Variants in CSMD3 observed in about 807,000 individuals in gnomAD.
CSMD3 encodes CUB and sushi domain-containing protein 3.
Under a neutral mutation model 435.2 loss-of-function variants are expected in CSMD3, and 177 were observed. That is an observed-to-expected ratio of 0.41 (90% CI 0.36 to 0.46). The LOEUF is 0.46. Ranked by LOEUF, CSMD3 falls within the 20% of genes least tolerant of loss-of-function variation. The pLI, the probability that CSMD3 is intolerant of heterozygous loss-of-function variation, is 0.34. For synonymous variants in CSMD3, 1,656 were observed against 1,520.5 expected, an observed-to-expected ratio of 1.09 and a Z score of -2.07; for missense variants, 4,265 against 4,504.6, an observed-to-expected ratio of 0.95 and a Z score of 1.52.
chr8:112,823,840 C>G (rs2079597791), intron 12 of CSMD3, among the ~76,000 whole-genome samples: 1 of 152,150 alleles, frequency 6.6e-6, no homozygotes, highest in Non-Finnish European at 1.5e-5. Context: ...ATTAGGTCCA[C>G]TTGATCCATA....
At chr8:112,818,262 T>A (rs2079434974) in intron 12 of CSMD3, among the ~76,000 whole-genome samples, 1 of 152,114 alleles carries the variant, frequency 6.6e-6, no homozygotes, top group African/African-American at 2.4e-5. Flanking sequence ...ATCAAAGTGA[T>A]ATATTATGTG....
chr8:112,524,316 G>T (rs980593700), intron 27 of CSMD3, among the ~76,000 whole-genome samples: 20 of 151,400 alleles, frequency 1.3e-4, no homozygotes, highest in Admixed American at 9.9e-4. Context: ...CTAGTATATG[G>T]GGATGACCAG....
chr8:113,335,059 A>G (rs1472068700), intron 1 of CSMD3, among the ~76,000 whole-genome samples: 1 of 152,016 alleles, frequency 6.6e-6, no homozygotes, highest in Non-Finnish European at 1.5e-5. Context: ...CCCCCTTGAT[A>G]CTGTCCTAGC....
At chr8:112,456,699 G>C (rs1260766959) in intron 32 of CSMD3, among the ~76,000 whole-genome samples, 1 of 151,936 alleles carries the variant, frequency 6.6e-6, no homozygotes, top group Admixed American at 6.6e-5. Context: ...TTATAGATGA[G>C]ATGTCAGAAA....
chr8:113,041,892 G>T (rs901065548), intron 5 of CSMD3, among the ~76,000 whole-genome samples: 11 of 152,104 alleles, frequency 7.2e-5, no homozygotes, highest in Non-Finnish European at 1.5e-4. Flanking sequence ...TAGGAGATGA[G>T]ATATTGATTG....
At chr8:112,349,736 T>C (rs1339346236) in intron 40 of CSMD3, among the ~76,000 whole-genome samples, 1 of 152,144 alleles carries the variant, frequency 6.6e-6, no homozygotes, top group Non-Finnish European at 1.5e-5. Flanking sequence ...AAAACTTCCC[T>C]TAAAAAAATC....
At chr8:112,832,245 C>T (rs2079897221) in intron 11 of CSMD3, among the ~76,000 whole-genome samples, 1 of 152,042 alleles carries the variant, frequency 6.6e-6, no homozygotes, top group African/African-American at 2.4e-5. Flanking sequence ...TATTCTAATC[C>T]CTCGGTGTAG....
chr8:112,947,931 T>C (rs1368966023), intron 8 of CSMD3, 54 bp from the exon 9 acceptor site: 3 of 761,110 alleles, frequency 3.9e-6, no homozygotes, highest in Non-Finnish European at 2.4e-6. Flanking sequence ...GATTAGAAAA[T>C]CGATGATATT....
chr8:112,803,046 T>G (rs1049801730), intron 12 of CSMD3, among the ~76,000 whole-genome samples: 2 of 152,134 alleles, frequency 1.3e-5, no homozygotes, highest in African/African-American at 4.8e-5. Flanking sequence ...GAATTTGTTA[T>G]GATTCTTTGA....
intron 14 of CSMD3, among the ~76,000 whole-genome samples, chr8:112,686,404 G>A (rs1009866342): frequency 6.6e-6 from 1 of 150,558 alleles, no homozygotes; most frequent in Non-Finnish European, 1.5e-5. Context: ...GAAAAATAAA[G>A]AAACAGAAAA....
intron 3 of CSMD3, among the ~76,000 whole-genome samples, chr8:113,218,805 AT>A (rs1330000138): frequency 3.3e-5 from 5 of 150,942 alleles, no homozygotes; most frequent in Admixed American, 2.7e-4. Flanking sequence ...TCATATTTCA[AT>A]TTTTTTTCAG....
chr8:112,419,320 C>T (rs77207240), intron 32 of CSMD3, among the ~76,000 whole-genome samples: 4,039 of 152,170 alleles, frequency 0.027, 91 homozygotes, highest in Non-Finnish European at 0.039. Flanking sequence ...GTCTGGAGTG[C>T]TAAGTCAGCA....
intron 27 of CSMD3, among the ~76,000 whole-genome samples, chr8:112,530,570 T>C (rs1197426426): frequency 6.6e-6 from 1 of 152,002 alleles, no homozygotes; most frequent in Non-Finnish European, 1.5e-5. Flanking sequence ...AAAATGAAGG[T>C]TGGAAAAAGA....
In CSMD3 at chr8:112,281,219, ACTGT is replaced by A; in HGVS notation, c.9459_9462del (p.Arg3153SerfsTer17). 6.2e-7 allele frequency: 1 copy of A among 1,613,448 alleles called. No individual in the cohort carries two copies. The highest frequency in any genetic ancestry group is 8.5e-7 in the Non-Finnish European group (1 of 1,179,498). On this transcript the variant is annotated frameshift_variant, in exon 59 of 71. Coordinates refer to ENST00000297405, the MANE Select transcript of CSMD3 (RefSeq NM_198123.2). LOFTEE classifies it high-confidence loss of function. ...CCAGACCATGTTCCATTGGCTGTGC[ACTGT>A]CTAACTGAAGGTCCAGAAAGGATGT...
rs2130161677 is a variant in CSMD3, at chr8:113,436,920, G to A, written c.-66C>T. 2 of 1,572,220 alleles carry A rather than the reference G, an allele frequency of 1.3e-6. No homozygotes were observed. The highest frequency in any genetic ancestry group is 8.7e-7 in the Non-Finnish European group (1 of 1,144,626). On this transcript the variant is annotated 5_prime_UTR_variant, in exon 1 of 71. Transcript: ENST00000297405. ...CAGTGGAGTTGTTGCTGTTGTTGGT[G>A]CGCGGTCACAGCTCGGAGTGAATGG...
At chr8:112,553,414 A>AT in intron 25 of CSMD3, among the ~76,000 whole-genome samples, 1 of 152,158 alleles carries the variant, frequency 6.6e-6, no homozygotes, top group Non-Finnish European at 1.5e-5. Context: ...AACTGGAGTG[A>AT]TTTTACGTCA....
intron 12 of CSMD3, among the ~76,000 whole-genome samples, chr8:112,811,940 A>G (rs1237298400): frequency 6.6e-6 from 1 of 152,182 alleles, no homozygotes; most frequent in Non-Finnish European, 1.5e-5. Context: ...CCTGACAGTA[A>G]AGGATGCTGT....
At chr8:113,351,312 T>C (rs1222516764) in intron 1 of CSMD3, among the ~76,000 whole-genome samples, 1 of 152,138 alleles carries the variant, frequency 6.6e-6, no homozygotes, top group Non-Finnish European at 1.5e-5. Flanking sequence ...CCTATAAAGG[T>C]AGACTAAAAC....
At chr8:113,065,035 A>G (rs1276598096) in intron 5 of CSMD3, among the ~76,000 whole-genome samples, 2 of 152,202 alleles carry the variant, frequency 1.3e-5, no homozygotes, top group Non-Finnish European at 2.9e-5. Context: ...TGTTGTATCT[A>G]CAAAAATAGT....
Sources: allele counts gnomAD v4.1 joint callset (sites outside exome capture counted in the v4.1 genomes callset), GRCh38; gene constraint gnomAD v4.1.1; transcripts MANE v1.5; gene names NCBI Gene and HGNC (gene_info 2026-07-23, HGNC 2026-07-21).